The following GPC1 variants were observed in gnomAD, a reference collection of about 807,000 sequenced individuals.
The protein encoded by GPC1 is glypican-1.
A neutral mutation model predicts 51.5 loss-of-function variants in GPC1; 26 were observed. The observed-to-expected ratio is 0.50, with a 90% CI of 0.37 to 0.70. The LOEUF (loss-of-function observed/expected upper bound fraction) is 0.70. GPC1 is among the 30% of genes least tolerant of loss of function. The probability of loss-of-function intolerance (pLI) is 0.00; values close to 1 mark genes in which losing one functional copy is unlikely to be tolerated. For missense variants in GPC1, 775 were observed against 800.5 expected (o/e 0.97, Z 0.38); for synonymous variants, 380 against 348.3 (o/e 1.09, Z -1.01).
chr2:240,447,922 T>G (rs13034612), intron 1 of GPC1, among the ~76,000 whole-genome samples: 13,932 of 152,190 alleles, frequency 0.092, 775 homozygotes, highest in Non-Finnish European at 0.12. Flanking sequence ...TGCTTCCTGG[T>G]TGTCACCCTG....
In GPC1 at chr2:240,462,402, C is replaced by G. The variant is rs750075513; in HGVS notation, c.537C>G (p.His179Gln). 1.3e-6 allele frequency: 2 copies of G among 1,599,470 alleles called. No individual in the cohort carries two copies. Among genetic ancestry groups the G allele is most frequent in the Non-Finnish European group, 1.7e-6 (2 of 1,173,464 alleles). ...TCGAGCGCCTCTTCAAGCAGCTGCA[C>G]CCCCAGCTGCTGCTGCCTGATGACT... ...RLLERLFKQL[H>Q]PQLLLPDDYL... Residue 179 changes from histidine (H) to glutamine (Q), a missense_variant, in exon 3 of 9, where the codon CAC (histidine) becomes CAG (glutamine). Coordinates refer to ENST00000264039, the MANE Select transcript of GPC1 (RefSeq NM_002081.3).
chr2:240,455,841 C>CCGGG (rs1168194030), intron 1 of GPC1, among the ~76,000 whole-genome samples: 4 of 152,318 alleles, frequency 2.6e-5, no homozygotes, highest in African/African-American at 9.6e-5. Context: ...CCGGCCTGCG[C>CCGGG]CGGGCCGGAG....
chr2:240,463,810 C>T, intron 4 of GPC1: 1 of 463,850 alleles, frequency 2.2e-6, no homozygotes, highest in South Asian at 3.1e-5. Flanking sequence ...ACACGTGTGA[C>T]TCATCGAGGA....
intron 1 of GPC1, among the ~76,000 whole-genome samples, chr2:240,441,643 G>C (rs1351369129): frequency 6.6e-6 from 1 of 152,178 alleles, no homozygotes; most frequent in Non-Finnish European, 1.5e-5. Context: ...CTCCAGACAG[G>C]AGCCGCCTGC....
chr2:240,465,057 G>A lies in GPC1; in HGVS notation c.1135-20G>A. 4 of 1,592,136 alleles carry A rather than the reference G, an allele frequency of 2.5e-6. No homozygotes were observed. Among genetic ancestry groups the A allele is most frequent in the Non-Finnish European group, 2.6e-6 (3 of 1,170,184 alleles). ...GCGGGCGGGCCCTGGCAGCCCAGTG[G>A]CCTGACTGCTGCCCCACAGGTCTCC... On this transcript the variant is annotated intron_variant, in intron 6 of 8. Coordinates refer to ENST00000264039, the MANE Select transcript of GPC1 (RefSeq NM_002081.3).
chr2:240,454,043 T>C (rs1234449372), intron 1 of GPC1, among the ~76,000 whole-genome samples: 1 of 150,058 alleles, frequency 6.7e-6, no homozygotes, highest in Admixed American at 6.7e-5. Context: ...GGCGACGCTG[T>C]CATTTGGGTG....
At chr2:240,459,764 G>A (rs73102084) in intron 2 of GPC1, among the ~76,000 whole-genome samples, 7 of 152,158 alleles carry the variant, frequency 4.6e-5, no homozygotes, top group African/African-American at 1.7e-4. Flanking sequence ...TTAGAGCCAC[G>A]TACTCCTCGG....
At chr2:240,447,968 G>A (rs905390127) in intron 1 of GPC1, among the ~76,000 whole-genome samples, 10 of 152,254 alleles carry the variant, frequency 6.6e-5, no homozygotes, top group African/African-American at 1.9e-4. Flanking sequence ...GCTCCCATTC[G>A]CTGGCTCTGG....
intron 1 of GPC1, among the ~76,000 whole-genome samples, chr2:240,444,242 C>G (rs2074035705): frequency 6.6e-6 from 1 of 152,224 alleles, no homozygotes; most frequent in African/African-American, 2.4e-5. Flanking sequence ...CACATGCCCG[C>G]CTGCTGTCCT....
intron 3 of GPC1, among the ~76,000 whole-genome samples, chr2:240,462,851 CA>C (rs902503564): frequency 7.0e-4 from 106 of 152,218 alleles, no homozygotes; most frequent in African/African-American, 2.5e-3. Flanking sequence ...TGGGAAGGGC[CA>C]GGGGCTGGGG....
chr2:240,447,430 G>A (rs145488974), intron 1 of GPC1, among the ~76,000 whole-genome samples: 12 of 152,186 alleles, frequency 7.9e-5, no homozygotes, highest in African/African-American at 2.7e-4. Context: ...CTCTGAGGCC[G>A]GCGTGGAGCC....
chr2:240,444,216 G>A (rs10933602), intron 1 of GPC1, among the ~76,000 whole-genome samples: 85,711 of 152,118 alleles, frequency 0.56, 24,849 homozygotes, highest in Non-Finnish European at 0.63. Context: ...GTCAGAGCCA[G>A]CCCCACAGTG....
intron 1 of GPC1, among the ~76,000 whole-genome samples, chr2:240,447,361 G>A (rs1223800931): frequency 6.6e-6 from 1 of 152,214 alleles, no homozygotes; most frequent in African/African-American, 2.4e-5. Flanking sequence ...GGGCGACATT[G>A]ACAGTCATTT....
intron 1 of GPC1, 60 bp from the exon 2 acceptor site, chr2:240,458,970 G>A (rs1326762988): frequency 1.1e-5 from 17 of 1,515,536 alleles, no homozygotes; most frequent in Non-Finnish European, 1.5e-5. Context: ...GCCTGAGGGT[G>A]CCCTCCTGGC....
chr2:240,442,176 C>G (rs1162073136), intron 1 of GPC1, among the ~76,000 whole-genome samples: 2 of 152,242 alleles, frequency 1.3e-5, no homozygotes, highest in Admixed American at 6.5e-5. Flanking sequence ...TCCGGCCTTT[C>G]CCCACAGCTT....
chr2:240,459,277 C>A, intron 2 of GPC1, 89 bp downstream of exon 2: 3 of 1,256,560 alleles, frequency 2.4e-6, no homozygotes, highest in Non-Finnish European at 2.2e-6. Context: ...GTGTCAATGC[C>A]AAGGGTGGGG....
rs571686372 is a variant in GPC1, at chr2:240,463,085, GGGCAAGTCATGCCTTGGTTTCCTCAGC to G, written c.718-257_718-231del. ...GAACTGCCCCCACCTCCAGGCTCCT[GGGCAAGTCATGCCTTGGTTTCCTCAGC>G]GGCATGCGGGTGAGGATATTCTTGC... On this transcript the variant is annotated intron_variant, in intron 3 of 8. Coordinates refer to ENST00000264039, the MANE Select transcript of GPC1 (RefSeq NM_002081.3). 3.2e-3 allele frequency among the ~76,000 whole-genome samples: 494 copies of G among 152,294 alleles called. 3 individuals carry two copies. The highest frequency in any genetic ancestry group is 6.6e-3 in the South Asian group (32 of 4,824).
intron 1 of GPC1, among the ~76,000 whole-genome samples, chr2:240,438,838 G>A (rs1007370827): frequency 1.3e-5 from 2 of 152,156 alleles, no homozygotes; most frequent in African/African-American, 4.8e-5. Flanking sequence ...CCATTTTATG[G>A]GCAAGGAAGC....
Position 240,466,095 on chromosome 2 carries a change from T to G in GPC1, c.1482T>G (p.Cys494Trp). The part of the protein sequence containing the change: ...DGSGSGSGDG[C>W]LDDLCSRKVS... ...GCGGCTCGGGCAGCGGTGATGGCTG[T>G]CTGGATGACCTCTGCAGCCGGAAGG... The change falls in exon 9 of 9, where the codon TGT (cysteine) becomes TGG (tryptophan). Residue 494 changes from cysteine to tryptophan, a missense_variant. By Grantham distance (215) the Cys-to-Trp change is radical. Coordinates refer to ENST00000264039, the MANE Select transcript of GPC1 (RefSeq NM_002081.3). 1.9e-6 allele frequency: 3 copies of G among 1,612,478 alleles called. No homozygotes were observed. The highest frequency in any genetic ancestry group is 2.2e-5 in the South Asian group (2 of 91,064).
Sources: gnomAD v4.1 joint callset for allele counts (sites outside exome capture counted in the v4.1 genomes callset) on GRCh38, gnomAD v4.1.1 for gene constraint, MANE v1.5 for transcripts, NCBI Gene and HGNC (gene_info 2026-07-23, HGNC 2026-07-21) for gene names.